Variants in WDR86 observed in about 807,000 individuals in gnomAD.
WDR86 encodes WD repeat domain 86.
WDR86 carries 30 observed loss-of-function variants against 36.5 expected under a neutral mutation model. The observed-to-expected ratio is 0.82, with a 90% CI of 0.61 to 1.11. WDR86 has a LOEUF of 1.11. WDR86 is among the 50% of genes most tolerant of loss of function. The probability of loss-of-function intolerance (pLI) is 0.00; values close to 1 mark genes in which losing one functional copy is unlikely to be tolerated. For missense variants in WDR86, 545 were observed against 561.2 expected, an observed-to-expected ratio of 0.97 and a Z score of 0.29; for synonymous variants, 255 against 252.9, an observed-to-expected ratio of 1.01 and a Z score of -0.08.
At chr7:151,375,940 C>T (rs1017424696) in exon 2 of WDR86, 3 of 1,605,952 alleles carry the variant, frequency 1.9e-6, no homozygotes, top group Non-Finnish European at 2.6e-6. Flanking sequence ...AAAACATTGA[C>T]CGAGTGAGTG....
At position 151,409,677 on chromosome 7, in the gene WDR86, G is replaced by C; in HGVS notation, c.-88C>G. ...CCGCGCGGCGGCTCCGTACGACTGC[G>C]GCCCGCGGCCATCGCGGGGAACGGG... On this transcript the variant is annotated 5_prime_UTR_variant, in exon 1 of 6. Coordinates refer to ENST00000334493, the MANE Select transcript of WDR86 (RefSeq NM_198285.3). The surrounding 1 kb of genome is among the most constrained non-coding windows in gnomAD (Gnocchi z 5.2). 1 of 1,292,388 alleles carries C rather than the reference G, an allele frequency of 7.7e-7. No homozygotes were observed. The allele number at this position is 1,292,388 out of a possible 1,614,324, so 80.1% of individuals were successfully genotyped here.
downstream of WDR86, among the ~76,000 whole-genome samples, chr7:151,374,877 A>G (rs938784182): frequency 1.3e-5 from 2 of 152,152 alleles, no homozygotes; most frequent in Admixed American, 1.3e-4. Flanking sequence ...CTCAGAGCAC[A>G]CGTGGTGAGG....
rs781093120 is a variant in WDR86 at position 151,401,186 on chromosome 7, G to A, written c.164-945C>T. ...CCTACCCTGACTCCCCTCTTGGGGC[G>A]TCCTGCCTATTCTGCACCTAACTTT... On this transcript the variant is annotated intron_variant, in intron 1 of 5. Transcript: ENST00000334493. The surrounding 1 kb of genome is among the most constrained non-coding windows in gnomAD (Gnocchi z 4.3). Among the ~76,000 whole-genome samples, 12 of 152,142 alleles carry A rather than the reference G, an allele frequency of 7.9e-5. No individual in the cohort carries two copies. Among genetic ancestry groups the A allele is most frequent in the African/African-American group, 2.2e-4 (9 of 41,432 alleles).
rs188680416 is a variant in WDR86, at chr7:151,390,640, C to A, written c.726+5136G>T. Among the ~76,000 whole-genome samples, 3 of 152,206 alleles carry A rather than the reference C, an allele frequency of 2.0e-5. No homozygotes were observed. Among genetic ancestry groups the A allele is most frequent in the Non-Finnish European group, 4.4e-5 (3 of 68,040 alleles). ...CAACAGCTGAAAGGTGAAAGCAACC[C>A]GTGTGTCTATCAACAGGTGACGGAT... On this transcript the variant is annotated intron_variant, in intron 3 of 5. Transcript: ENST00000334493. The surrounding 1 kb of genome is among the most constrained non-coding windows in gnomAD (Gnocchi z 4.5).
chr7:151,378,678 A>G (rs879299538), downstream of WDR86, among the ~76,000 whole-genome samples: 3 of 152,202 alleles, frequency 2.0e-5, no homozygotes, highest in Non-Finnish European at 4.4e-5. Context: ...TGTACCTGTC[A>G]GGGTTTGCCT....
In WDR86 at chr7:151,400,547, A is replaced by G. The variant is rs147171015; in HGVS notation, c.164-306T>C. On this transcript the variant is annotated intron_variant, in intron 1 of 5. Transcript: ENST00000334493. ...CAGGCGCATACCACTATACCTGGCT[A>G]ATTCTTTGTATTTTTAGTAGAGATG... Among the ~76,000 whole-genome samples the G allele has an allele frequency of 4.2e-3, 644 of 152,136 alleles. 18 individuals are homozygous for G. The highest frequency in any genetic ancestry group is 1.0e-3 in the Non-Finnish European group (68 of 68,002).
At position 151,385,322 on chromosome 7, in the gene WDR86, TGGTGAAACCATG is replaced by T. The variant is rs745510685; in HGVS notation, c.727-111_727-100del. ...GGGAAGGGGCATGTGCAGGTCTCAG[TGGTGAAACCATG>T]GGTGAGCCTCGAATGGCCCCGCCAC... On this transcript the variant is annotated intron_variant, in intron 3 of 5. Coordinates refer to ENST00000334493, the MANE Select transcript of WDR86 (RefSeq NM_198285.3). 8.4e-6 allele frequency: 13 copies of T among 1,546,422 alleles called. No homozygotes were observed. The Admixed American group carries it at 2.4e-4, about 28-fold the overall frequency.
chr7:151,370,421 A>C, the WDR86 span, among the ~76,000 whole-genome samples: 1 of 152,184 alleles, frequency 6.6e-6, no homozygotes, highest in Non-Finnish European at 1.5e-5. Context: ...TGAGTTTTAC[A>C]TGGTCTAATT....
At chr7:151,371,566 G>A (rs1473586525), downstream of WDR86, among the ~76,000 whole-genome samples, 4 of 152,166 alleles carry the variant, frequency 2.6e-5, no homozygotes, top group Non-Finnish European at 5.9e-5. Context: ...GCCACCTGGG[G>A]AGCTGGAGCA....
At chr7:151,377,048 A>C (rs758879339), downstream of WDR86, 42 of 1,545,482 alleles carry the variant, frequency 2.7e-5, no homozygotes, top group Non-Finnish European at 3.7e-5. Flanking sequence ...TTATTGTAGG[A>C]ACCTCTAGTG....
At position 151,381,509 on chromosome 7, in the gene WDR86, C is replaced by G; in HGVS notation, c.*73G>C. 2 of 1,448,246 alleles carry G rather than the reference C, an allele frequency of 1.4e-6. No homozygotes were observed. The highest frequency in any genetic ancestry group is 1.8e-6 in the Non-Finnish European group (2 of 1,110,530). 89.7% of individuals were successfully genotyped at this position (1,448,246 alleles called of 1,614,324 possible). On this transcript the variant is annotated 3_prime_UTR_variant, in exon 6 of 6. Coordinates refer to ENST00000334493, the MANE Select transcript of WDR86 (RefSeq NM_198285.3). This position sits in a 1 kb window ranked among gnomAD's most constrained non-coding sequence, Gnocchi z 4.8. ...CCTCGCCGGCCATCGGGCGCCACCA[C>G]CGCGGGTAGCAGGGCGGGGCGCTCT...
At position 151,387,419 on chromosome 7, in the gene WDR86, G is replaced by A. The variant is rs188816421; in HGVS notation, c.727-2196C>T. ...CCAGAGCCACACAGGCCGAGGGGGCGCTCCCAGCCCCAGGGTCCTCAGCCT... is the reference window on the plus strand; with the variant it reads ...CCAGAGCCACACAGGCCGAGGGGGCACTCCCAGCCCCAGGGTCCTCAGCCT... On this transcript the variant is annotated intron_variant, in intron 3 of 5. Coordinates refer to ENST00000334493, the MANE Select transcript of WDR86 (RefSeq NM_198285.3). Among the ~76,000 whole-genome samples, 479 of 152,272 alleles carry A rather than the reference G, an allele frequency of 3.1e-3. 4 individuals are homozygous for A. Among genetic ancestry groups the A allele is most frequent in the Admixed American group, 5.7e-3 (87 of 15,306 alleles).
At chr7:151,372,233 C>T (rs1034252326), downstream of WDR86, among the ~76,000 whole-genome samples, 1 of 152,236 alleles carries the variant, frequency 6.6e-6, no homozygotes, top group African/African-American at 2.4e-5. Context: ...GTAGCCACTT[C>T]AGTGCAGTAC....
intron 3 of WDR86, among the ~76,000 whole-genome samples, chr7:151,394,764 C>T (rs1421250420): frequency 6.6e-6 from 1 of 152,246 alleles, no homozygotes. Context: ...ATACCATAAT[C>T]CCTAATCTAA....
downstream of WDR86, among the ~76,000 whole-genome samples, chr7:151,375,298 G>T (rs1035386328): frequency 6.6e-6 from 1 of 152,150 alleles, no homozygotes; most frequent in Non-Finnish European, 1.5e-5. Flanking sequence ...GGGAAATTCT[G>T]AATATTCGAA....
downstream of WDR86, among the ~76,000 whole-genome samples, chr7:151,379,006 C>G (rs35384726): frequency 1.3e-5 from 2 of 152,000 alleles, no homozygotes; most frequent in Admixed American, 1.3e-4. Flanking sequence ...CCTGCTCCAC[C>G]GGACAGGCGG....
At chr7:151,408,307 C>T (rs1256083687) in intron 1 of WDR86, among the ~76,000 whole-genome samples, 1 of 151,056 alleles carries the variant, frequency 6.6e-6, no homozygotes, top group African/African-American at 2.4e-5. Context: ...AGTGATTCTC[C>T]TGCCTCAGCC....
At chr7:151,378,479 C>G (rs1302954267), downstream of WDR86, 3 of 152,210 alleles carry the variant, frequency 2.0e-5, no homozygotes, top group Non-Finnish European at 4.4e-5. Context: ...TTAATTTACT[C>G]AGCCTCCCCA....
rs1161862640 is a variant in WDR86 at position 151,405,463 on chromosome 7, TG to T, written c.163+3963del. ...CTTATGCTCCACCTGCATTTTGCAG[TG>T]TCCCTTTATTAAACTCTCCTGGTAG... On this transcript the variant is annotated intron_variant, in intron 1 of 5. Coordinates refer to ENST00000334493, the MANE Select transcript of WDR86 (RefSeq NM_198285.3). The surrounding 1 kb of genome is among the most constrained non-coding windows in gnomAD (Gnocchi z 4.7). 6.6e-6 allele frequency among the ~76,000 whole-genome samples: 1 copy of T among 152,172 alleles called. No homozygotes were observed. The highest frequency in any genetic ancestry group is 1.5e-5 in the Non-Finnish European group (1 of 68,042).
Sources: gnomAD v4.1 joint callset for allele counts (sites outside exome capture counted in the v4.1 genomes callset) on GRCh38, gnomAD v4.1.1 for gene constraint, Gnocchi (gnomAD v3.1) non-coding constraint, MANE v1.5 for transcripts, NCBI Gene and HGNC (gene_info 2026-07-23, HGNC 2026-07-21) for gene names.